The following TEX14 variants were observed in gnomAD, a reference collection of about 807,000 sequenced individuals.
TEX14 encodes testis expressed 14, intercellular bridge forming factor, also known as inactive serine/threonine-protein kinase TEX14.
TEX14 carries 168 observed loss-of-function variants against 178.6 expected under a neutral mutation model. The observed-to-expected ratio is 0.94, with a 90% CI of 0.83 to 1.07. TEX14 has a LOEUF of 1.07. Among genes scored for constraint, TEX14 ranks in the 50% least tolerant of loss-of-function variants. TEX14 has a pLI of 0.00. For synonymous variants in TEX14, 626 were observed against 634.1 expected (o/e 0.99, Z 0.19); for missense variants, 1,730 against 1,753.6 (o/e 0.99, Z 0.24).
At chr17:58,588,150 G>C (rs1268096622) in intron 15 of TEX14, 129 bp from the exon 16 acceptor site, 1 of 614,664 alleles carries the variant, frequency 1.6e-6, no homozygotes, top group Non-Finnish European at 3.0e-6. Flanking sequence ...TTGAAGCGCA[G>C]TTTCACAAGA....
chr17:58,605,163 C>G, intron 10 of TEX14, 34 bp from the exon 11 acceptor site: 2 of 1,601,938 alleles, frequency 1.2e-6, no homozygotes, highest in Non-Finnish European at 1.7e-6. Context: ...AGCGCTCATG[C>G]CTTAAAGGGT....
intron 14 of TEX14, among the ~76,000 whole-genome samples, chr17:58,596,183 T>C (rs1452781188): frequency 6.6e-6 from 1 of 151,752 alleles, no homozygotes; most frequent in Non-Finnish European, 1.5e-5. Context: ...ATTCTGTCTT[T>C]AAAAATTTAA....
intron 3 of TEX14, among the ~76,000 whole-genome samples, chr17:58,627,661 T>G (rs1193845010): frequency 6.6e-6 from 1 of 150,850 alleles, no homozygotes; most frequent in South Asian, 2.1e-4. Context: ...TCCCAGCTAC[T>G]CGGGAGGATG....
chr17:58,611,706 G>T (rs1440984577), intron 9 of TEX14, among the ~76,000 whole-genome samples: 2 of 152,234 alleles, frequency 1.3e-5, no homozygotes, highest in Non-Finnish European at 1.5e-5. Context: ...AGCCCAAGCT[G>T]CTGGGGAGAA....
At chr17:58,566,983 A>G (rs1168292969) in intron 26 of TEX14, among the ~76,000 whole-genome samples, 4 of 151,046 alleles carry the variant, frequency 2.6e-5, no homozygotes, top group Non-Finnish European at 4.4e-5. Context: ...CCTGACCAAC[A>G]TGGTGAACCC....
Position 58,569,166 on chromosome 17 carries a change from T to C in TEX14, c.3886+26A>G. 1 of 1,592,218 alleles carries C rather than the reference T, an allele frequency of 6.3e-7. No individual in the cohort carries two copies. The highest frequency in any genetic ancestry group is 8.6e-7 in the Non-Finnish European group (1 of 1,160,536). ...TGACATAACTAACAGGGCCGAGAAG[T>C]ATATTCTGTATTGAACATCTCTTAC... On this transcript the variant is annotated intron_variant, in intron 26 of 31. Transcript: ENST00000349033. The surrounding 1 kb of genome is among the most constrained non-coding windows in gnomAD (Gnocchi z 4.1).
At chr17:58,684,670 TAAATAAATAA>T (rs1567776468) in intron 1 of TEX14, among the ~76,000 whole-genome samples, 2 of 147,032 alleles carry the variant, frequency 1.4e-5, no homozygotes, top group Non-Finnish European at 3.0e-5. Flanking sequence ...AATAAATAAA[TAAATAAATAA>T]AAAGCTTTCT....
intron 17 of TEX14, 116 bp from the exon 18 acceptor site, chr17:58,586,198 T>C: frequency 1.7e-6 from 2 of 1,156,984 alleles, no homozygotes; most frequent in Non-Finnish European, 2.4e-6. Flanking sequence ...ATTGCCTTTT[T>C]ACAGTTGCAT....
intron 1 of TEX14, 21 bp from the exon 2 acceptor site, chr17:58,652,023 A>T (rs1269332936): frequency 6.7e-7 from 1 of 1,502,726 alleles, no homozygotes; most frequent in Non-Finnish European, 8.9e-7. Flanking sequence ...AGAGAGCAAT[A>T]TGCTTATTTT....
chr17:58,643,131 T>A (rs2046612607), intron 2 of TEX14, among the ~76,000 whole-genome samples: 1 of 152,216 alleles, frequency 6.6e-6, no homozygotes, highest in South Asian at 2.1e-4. Flanking sequence ...TATTGTTCCT[T>A]CCCTCAAGCC....
chr17:58,559,681 G>C (rs2044233661), intron 29 of TEX14, 119 bp from the exon 30 acceptor site: 2 of 648,562 alleles, frequency 3.1e-6, no homozygotes, highest in South Asian at 3.7e-5. Flanking sequence ...ATAATAGCTA[G>C]CACTAACAAG....
chr17:58,675,743 A>C (rs1351128392), intron 1 of TEX14, among the ~76,000 whole-genome samples: 4 of 152,172 alleles, frequency 2.6e-5, no homozygotes, highest in Non-Finnish European at 5.9e-5. Context: ...ATATTGGCTG[A>C]ATTGAATGAA....
Position 58,607,182 on chromosome 17 carries a change from T to C in TEX14, c.1185-2053A>G, listed in dbSNP as rs185644763. Among the ~76,000 whole-genome samples the C allele has an allele frequency of 3.4e-3, 517 of 152,270 alleles. 3 individuals are homozygous for C. Among genetic ancestry groups the C allele is most frequent in the Non-Finnish European group, 5.6e-3 (383 of 68,008 alleles). On this transcript the variant is annotated intron_variant, in intron 10 of 31. Coordinates refer to ENST00000349033, the MANE Select transcript of TEX14 (RefSeq NM_031272.5). ...TGTGGGATTGAAGGCTACTTTGGGT[T>C]GGTGAATAATCAACTCATGTTACCA... is the stretch of plus-strand genomic sequence containing the variant.
chr17:58,629,834 GA>G (rs1338139712), intron 3 of TEX14, among the ~76,000 whole-genome samples: 105 of 131,492 alleles, frequency 8.0e-4, no homozygotes, highest in Middle Eastern at 4.4e-3. Context: ...GACTCCGTCT[GA>G]AAAAAAAAAA....
At chr17:58,590,681 A>G (rs1448791990) in intron 15 of TEX14, among the ~76,000 whole-genome samples, 4 of 151,876 alleles carry the variant, frequency 2.6e-5, no homozygotes, top group Non-Finnish European at 5.9e-5. Flanking sequence ...CAGCCTCCCA[A>G]GTAGGAGAGG....
At chr17:58,630,702 C>T in intron 2 of TEX14, 148 bp from the exon 3 acceptor site, 1 of 591,260 alleles carries the variant, frequency 1.7e-6, no homozygotes, top group Non-Finnish European at 3.0e-6. Context: ...AGAAGGTCTT[C>T]ATTAGTAGCA....
chr17:58,635,942 A>G (rs1424193656), intron 2 of TEX14, among the ~76,000 whole-genome samples: 2 of 152,038 alleles, frequency 1.3e-5, no homozygotes, highest in East Asian at 3.9e-4. Flanking sequence ...GACAGGTTTC[A>G]CCATGTTGCC....
intron 3 of TEX14, among the ~76,000 whole-genome samples, chr17:58,624,058 CAG>C (rs2046072150): frequency 6.6e-6 from 1 of 152,096 alleles, no homozygotes; most frequent in Admixed American, 6.6e-5. Flanking sequence ...CCGAGGCGGG[CAG>C]ATCACGAGGT....
At chr17:58,644,734 C>A (rs965883660) in intron 2 of TEX14, among the ~76,000 whole-genome samples, 32 of 149,894 alleles carry the variant, frequency 2.1e-4, no homozygotes, top group Admixed American at 1.5e-3. Flanking sequence ...CTCCGCCCCC[C>A]CTGGTTCAAG....
Sources: gnomAD v4.1 joint callset for allele counts (sites outside exome capture counted in the v4.1 genomes callset) on GRCh38, gnomAD v4.1.1 for gene constraint, Gnocchi (gnomAD v3.1) non-coding constraint, MANE v1.5 for transcripts, NCBI Gene and HGNC (gene_info 2026-07-23, HGNC 2026-07-21) for gene names.